ACAD10: variants seen among roughly 807,000 people sequenced by gnomAD.
ACAD10 encodes acyl-CoA dehydrogenase family member 10.
A neutral mutation model predicts 116.8 loss-of-function variants in ACAD10; 112 were observed. The ratio of observed to expected loss-of-function variants is 0.96; its 90% confidence interval spans 0.82 to 1.12. The LOEUF is 1.12. ACAD10 is among the 50% of genes most tolerant of loss of function. ACAD10 has a pLI of 0.00. For missense variants in ACAD10, 1,259 were observed against 1,350.2 expected, an observed-to-expected ratio of 0.93 and a Z score of 1.06; for synonymous variants, 486 against 510.6, an observed-to-expected ratio of 0.95 and a Z score of 0.65.
chr12:111,749,540 C>G, intron 18 of ACAD10, 195 bp downstream of exon 18: 2 of 734,288 alleles, frequency 2.7e-6, no homozygotes, highest in Non-Finnish European at 4.3e-6. Flanking sequence ...GCAGAATGGA[C>G]CCCACTCTGT....
At chr12:111,714,011 G>A (rs1439253780) in intron 6 of ACAD10, among the ~76,000 whole-genome samples, 24 of 151,912 alleles carry the variant, frequency 1.6e-4, no homozygotes, top group Admixed American at 1.0e-3. Context: ...TTGGGAGGCC[G>A]AGATGGGCGG....
chr12:111,744,718 C>T lies in ACAD10; in HGVS notation c.1790C>T (p.Ala597Val). The T allele has an allele frequency of 2.5e-6, 4 of 1,614,230 alleles. No individual in the cohort carries two copies. The highest frequency in any genetic ancestry group is 2.5e-6 in the Non-Finnish European group (3 of 1,180,044). The part of the protein sequence containing the change: ...EFVSNLAWDF[A>V]VKEGFRVFKE... ...GTGTCTAACCTGGCGTGGGATTTCG[C>T]AGTCAAAGAAGGGTTCCGGGTTTTC... The change falls in exon 13 of 21, where the codon GCA becomes GTA. Residue 597 changes from alanine (A) to valine (V), a missense_variant. Transcript: ENST00000313698.
intron 2 of ACAD10, 142 bp from the exon 3 acceptor site, chr12:111,702,020 T>C: frequency 1.2e-6 from 1 of 829,790 alleles, no homozygotes; most frequent in East Asian, 2.6e-5. Context: ...ATTTTGCATT[T>C]TGTGAATGTC....
chr12:111,747,777 A>G, intron 16 of ACAD10: 4 of 1,037,086 alleles, frequency 3.9e-6, no homozygotes, highest in Non-Finnish European at 4.6e-6. Context: ...GGGATTGTCC[A>G]GTGTTACTTT....
chr12:111,739,544 G>A (rs983156301), intron 12 of ACAD10, among the ~76,000 whole-genome samples: 2 of 152,188 alleles, frequency 1.3e-5, no homozygotes, highest in Non-Finnish European at 2.9e-5. Flanking sequence ...ATCACCTGAG[G>A]TCAGGAGTTT....
chr12:111,692,596 A>G (rs1888082772), intron 1 of ACAD10, 101 bp from the exon 2 acceptor site: 2 of 1,169,862 alleles, frequency 1.7e-6, no homozygotes, highest in Admixed American at 2.3e-5. Flanking sequence ...CCTGTTGGAG[A>G]TGGGTTAGAG....
intron 3 of ACAD10, among the ~76,000 whole-genome samples, chr12:111,703,946 A>G (rs1488671807): frequency 3.3e-5 from 5 of 150,872 alleles, no homozygotes; most frequent in African/African-American, 1.2e-4. Context: ...TGTATATGTA[A>G]TAGTAAACTT....
chr12:111,692,992 T>A, intron 2 of ACAD10, 96 bp downstream of exon 2: 1 of 1,407,256 alleles, frequency 7.1e-7, no homozygotes, highest in Non-Finnish European at 9.7e-7. Context: ...TGGGCAGCAG[T>A]GTGTCCCAGC....
At position 111,721,707 on chromosome 12, in the gene ACAD10, C is replaced by T. The variant is rs771448380; in HGVS notation, c.1029C>T (p.Val343=). The T allele has an allele frequency of 1.9e-6, 3 of 1,603,826 alleles. No homozygotes were observed. The African/African-American group carries it at 4.0e-5, about 21-fold the overall frequency. ...CCCTTGCAAATGCTGGAGTACCTGT[C>T]CCTAACGTTCTTGATCTCTGTGAAG... The part of the protein sequence containing the change: ...MKALANAGVP[V]PNVLDLCEDS... Residue 343 remains valine, a synonymous_variant, in exon 8 of 21, where the codon GTC becomes GTT. Transcript: ENST00000313698.
chr12:111,686,314 C>T (rs957512229), intron 1 of ACAD10, 75 bp downstream of exon 1: 1 of 152,448 alleles, frequency 6.6e-6, no homozygotes, highest in Admixed American at 6.5e-5. Context: ...GTCTCTAACC[C>T]TAGTCTGGAT....
At chr12:111,749,658 G>A (rs1221995661) in intron 18 of ACAD10, 8 of 320,292 alleles carry the variant, frequency 2.5e-5, no homozygotes, top group Middle Eastern at 1.7e-3. Flanking sequence ...TGGGTGCAAT[G>A]GCTCACAGCT....
In ACAD10 at chr12:111,756,567, C is replaced by G; in HGVS notation, c.*94C>G. The G allele has an allele frequency of 6.5e-7, 1 of 1,535,918 alleles. No individual in the cohort carries two copies. The highest frequency in any genetic ancestry group is 1.2e-5 in the South Asian group (1 of 84,388). ...CTCGAAAGATCCGGTGTTTGTGGCTCCTGCACCCTGCTCAGCAGCTCTGTC... is the reference window on the plus strand; with the variant it reads ...CTCGAAAGATCCGGTGTTTGTGGCTGCTGCACCCTGCTCAGCAGCTCTGTC... On this transcript the variant is annotated 3_prime_UTR_variant, in exon 21 of 21. Coordinates refer to ENST00000313698, the MANE Select transcript of ACAD10 (RefSeq NM_025247.6).
intron 18 of ACAD10, among the ~76,000 whole-genome samples, chr12:111,750,932 G>A (rs759020510): frequency 1.3e-5 from 2 of 152,196 alleles, no homozygotes; most frequent in Non-Finnish European, 2.9e-5. Context: ...AGTTAAGACT[G>A]ACCAGTTATT....
At chr12:111,697,362 C>CTTT (rs1160985539) in intron 2 of ACAD10, among the ~76,000 whole-genome samples, 1 of 135,364 alleles carries the variant, frequency 7.4e-6, no homozygotes, top group African/African-American at 2.7e-5. Flanking sequence ...TTTTCTTTTC[C>CTTT]TTTTTTTTTT....
chr12:111,711,105 G>A (rs1381924497), intron 5 of ACAD10, among the ~76,000 whole-genome samples: 1 of 152,230 alleles, frequency 6.6e-6, no homozygotes, highest in African/African-American at 2.4e-5. Flanking sequence ...AAGTAAAGTA[G>A]AGGTTCTTCT....
chr12:111,747,603 C>T (rs1054555033), intron 16 of ACAD10: 13 of 1,373,728 alleles, frequency 9.5e-6, no homozygotes, highest in South Asian at 6.2e-5. Context: ...GGACGTCCCC[C>T]GGTGCCCACA....
rs578061219 is a variant in ACAD10, at chr12:111,717,767, C to T, written c.992+1805C>T. Among the ~76,000 whole-genome samples the T allele has an allele frequency of 2.0e-5, 3 of 152,150 alleles. No individual in the cohort carries two copies. In the South Asian group the frequency reaches 6.2e-4, roughly 32 times the overall value. Reference sequence around the variant, plus strand: ...TAGAGATGGGGCCTCACTATATTGCCTGAACTCTTGGCCTCAAGCAATCCT... The same window carrying T: ...TAGAGATGGGGCCTCACTATATTGCTTGAACTCTTGGCCTCAAGCAATCCT... On this transcript the variant is annotated intron_variant, in intron 7 of 20. Transcript: ENST00000313698.
intron 12 of ACAD10, among the ~76,000 whole-genome samples, chr12:111,743,540 T>C (rs553215531): frequency 3.8e-4 from 58 of 151,708 alleles, no homozygotes; most frequent in African/African-American, 1.2e-3. Flanking sequence ...TTCACCATGT[T>C]GACCAGGCTG....
At chr12:111,723,526 T>C (rs1889105525) in intron 8 of ACAD10, among the ~76,000 whole-genome samples, 1 of 125,182 alleles carries the variant, frequency 8.0e-6, no homozygotes. Flanking sequence ...GGCTCCTCAC[T>C]TCCCAGTAGG....
Sources: gnomAD v4.1 joint callset for allele counts (sites outside exome capture counted in the v4.1 genomes callset) on GRCh38, gnomAD v4.1.1 for gene constraint, MANE v1.5 for transcripts, NCBI Gene and HGNC (gene_info 2026-07-23, HGNC 2026-07-21) for gene names.